The following TBK1 variants were observed in gnomAD, a reference collection of about 807,000 sequenced individuals.
TBK1 encodes the protein TANK binding kinase 1, also known as serine/threonine-protein kinase TBK1.
TBK1 carries 37 observed loss-of-function variants against 99.9 expected under a neutral mutation model. That is an observed-to-expected ratio of 0.37 (90% CI 0.28 to 0.49). The LOEUF is 0.49. TBK1 is among the 20% of genes least tolerant of loss of function. The probability of loss-of-function intolerance (pLI) is 0.98; values close to 1 mark genes in which losing one functional copy is unlikely to be tolerated. For synonymous variants in TBK1, 258 were observed against 279.8 expected, an observed-to-expected ratio of 0.92 and a Z score of 0.78; for missense variants, 644 against 872.5, an observed-to-expected ratio of 0.74 and a Z score of 3.30.
At chr12:64,471,214 G>A (rs1416156662) in intron 5 of TBK1, among the ~76,000 whole-genome samples, 3 of 151,970 alleles carry the variant, frequency 2.0e-5, no homozygotes, top group Non-Finnish European at 4.4e-5. Context: ...CTGTTGCCCA[G>A]GCTGGAGTGC....
intron 6 of TBK1, among the ~76,000 whole-genome samples, chr12:64,475,608 T>TATTTGTGAACATATAAGTGAA (rs2040703899): frequency 6.6e-6 from 1 of 152,234 alleles, no homozygotes; most frequent in Non-Finnish European, 1.5e-5. Context: ...AGTGAGAACA[T>TATTTGTGAACATATAAGTGAA]AACAGTATTT....
chr12:64,472,235 T>C (rs2040669584), intron 5 of TBK1, among the ~76,000 whole-genome samples: 1 of 151,176 alleles, frequency 6.6e-6, no homozygotes. Flanking sequence ...AGAGTCTTTT[T>C]CCCACCCCCA....
intron 5 of TBK1, among the ~76,000 whole-genome samples, chr12:64,471,465 G>T (rs1052030661): frequency 6.6e-6 from 1 of 152,056 alleles, no homozygotes; most frequent in Non-Finnish European, 1.5e-5. Flanking sequence ...CAATTCTCCT[G>T]CCTCAGCTTC....
At chr12:64,486,066 C>A in intron 11 of TBK1, 49 bp downstream of exon 11, 1 of 1,297,356 alleles carries the variant, frequency 7.7e-7, no homozygotes, top group Non-Finnish European at 1.1e-6. Context: ...TAGACCTTGC[C>A]CCATCATTGA....
chr12:64,496,326 G>T, intron 15 of TBK1, 41 bp from the exon 16 acceptor site: 2 of 969,592 alleles, frequency 2.1e-6, no homozygotes, highest in South Asian at 3.2e-5. Flanking sequence ...ATAATATTAT[G>T]ATTCTATATT....
At chr12:64,497,621 C>CTTTTTTTTTTTTTTTTTT in intron 18 of TBK1, 27 bp from the exon 19 acceptor site, 1 of 1,024,170 alleles carries the variant, frequency 9.8e-7, no homozygotes. Flanking sequence ...GGGTTTTTTT[C>CTTTTTTTTTTTTTTTTTT]TTTTTTTTTT....
chr12:64,490,583 A>C (rs908892368), intron 13 of TBK1, among the ~76,000 whole-genome samples: 11 of 152,164 alleles, frequency 7.2e-5, no homozygotes, highest in African/African-American at 2.7e-4. Flanking sequence ...CAGTTAAAGC[A>C]AGTTCATAAA....
intron 20 of TBK1, 94 bp from the exon 21 acceptor site, chr12:64,501,236 A>T (rs1225760341): frequency 8.5e-7 from 1 of 1,173,728 alleles, no homozygotes; most frequent in African/African-American, 1.5e-5. Context: ...ATAAATAGCT[A>T]TTTATTCCTC....
intron 13 of TBK1, 55 bp downstream of exon 13, chr12:64,490,174 G>A: frequency 6.1e-6 from 8 of 1,306,646 alleles, no homozygotes; most frequent in South Asian, 1.3e-5. Context: ...TCCTTTGCTG[G>A]CACTATTAGA....
At chr12:64,480,861 A>G (rs978860372) in intron 7 of TBK1, among the ~76,000 whole-genome samples, 2 of 152,184 alleles carry the variant, frequency 1.3e-5, no homozygotes, top group African/African-American at 4.8e-5. Context: ...TTAGTGGCTT[A>G]TCACCTTTTT....
intron 2 of TBK1, among the ~76,000 whole-genome samples, chr12:64,459,663 C>G (rs959707010): frequency 1.3e-5 from 2 of 152,116 alleles, no homozygotes; most frequent in Admixed American, 1.3e-4. Flanking sequence ...TCCTGCTTTC[C>G]CCACTCCCCT....
intron 6 of TBK1, among the ~76,000 whole-genome samples, chr12:64,477,086 T>G (rs2040721649): frequency 6.6e-6 from 1 of 152,218 alleles, no homozygotes; most frequent in Admixed American, 6.5e-5. Context: ...CAGTATAGTT[T>G]GAAGTCAGGT....
intron 20 of TBK1, among the ~76,000 whole-genome samples, chr12:64,499,073 T>A (rs1239423797): frequency 8.7e-6 from 1 of 115,184 alleles, no homozygotes; most frequent in Non-Finnish European, 1.7e-5. Context: ...CGAGACGGAG[T>A]TTCGCTGTTG....
intron 5 of TBK1, among the ~76,000 whole-genome samples, chr12:64,473,373 C>T (rs1401468838): frequency 6.6e-6 from 1 of 152,088 alleles, no homozygotes; most frequent in Non-Finnish European, 1.5e-5. Context: ...TGGTGGGAAG[C>T]AGAGAATTGG....
At chr12:64,479,665 A>G (rs1431204262) in intron 6 of TBK1, among the ~76,000 whole-genome samples, 2 of 152,192 alleles carry the variant, frequency 1.3e-5, no homozygotes, top group Admixed American at 1.3e-4. Context: ...GCTTTTTTTC[A>G]TGGTCTAGAG....
At chr12:64,486,425 TA>T (rs2040820502) in intron 11 of TBK1, among the ~76,000 whole-genome samples, 1 of 152,080 alleles carries the variant, frequency 6.6e-6, no homozygotes, top group African/African-American at 2.4e-5. Flanking sequence ...AGTCCTTTTT[TA>T]TCACACCGTA....
intron 5 of TBK1, among the ~76,000 whole-genome samples, chr12:64,473,962 G>A (rs2040686570): frequency 6.6e-6 from 1 of 152,030 alleles, no homozygotes; most frequent in African/African-American, 2.4e-5. Context: ...CAGGTAGGTT[G>A]TATTTGGTAA....
intron 2 of TBK1, among the ~76,000 whole-genome samples, chr12:64,457,492 A>G (rs186391831): frequency 2.0e-5 from 3 of 152,326 alleles, no homozygotes; most frequent in South Asian, 2.1e-4. Flanking sequence ...CAAATTAACA[A>G]ACTTTTAATA....
intron 20 of TBK1, among the ~76,000 whole-genome samples, chr12:64,500,837 C>A (rs779463066): frequency 6.8e-6 from 1 of 147,946 alleles, no homozygotes; most frequent in Non-Finnish European, 1.5e-5. Flanking sequence ...CGGCTCACTG[C>A]AACCTCTGCC....
Sources: allele counts gnomAD v4.1 joint callset (sites outside exome capture counted in the v4.1 genomes callset), GRCh38; gene constraint gnomAD v4.1.1; transcripts MANE v1.5; gene names NCBI Gene and HGNC (gene_info 2026-07-23, HGNC 2026-07-21).